CTNNA3: variants seen among roughly 807,000 people sequenced by gnomAD.
The protein encoded by CTNNA3 is catenin alpha-3.
A neutral mutation model predicts 95.7 loss-of-function variants in CTNNA3; 76 were observed. That is an observed-to-expected ratio of 0.79 (90% CI 0.66 to 0.96). CTNNA3 has a LOEUF of 0.96. CTNNA3 is among the 40% of genes least tolerant of loss of function. The probability of loss-of-function intolerance (pLI) is 0.00; values close to 1 mark genes in which losing one functional copy is unlikely to be tolerated. For synonymous variants in CTNNA3, 431 were observed against 374.4 expected, an observed-to-expected ratio of 1.15 and a Z score of -1.74; for missense variants, 1,191 against 1,089.8, an observed-to-expected ratio of 1.09 and a Z score of -1.31.
chr10:67,268,206 T>G (rs1207808813), intron 5 of CTNNA3, among the ~76,000 whole-genome samples: 2 of 151,856 alleles, frequency 1.3e-5, no homozygotes, highest in Admixed American at 6.6e-5. Flanking sequence ...TGGCTCATGC[T>G]TGTAAAGTCA....
chr10:67,021,266 T>C (rs555618216), intron 7 of CTNNA3, among the ~76,000 whole-genome samples: 156 of 152,230 alleles, frequency 1.0e-3, no homozygotes, highest in African/African-American at 3.6e-3. Flanking sequence ...ATATACAGAA[T>C]ATAGTACCAT....
chr10:66,910,410 C>T (rs1846172099), intron 7 of CTNNA3, among the ~76,000 whole-genome samples: 1 of 152,220 alleles, frequency 6.6e-6, no homozygotes, highest in Non-Finnish European at 1.5e-5. Flanking sequence ...CCAACTTTAT[C>T]ACTACCCTTA....
intron 4 of CTNNA3, among the ~76,000 whole-genome samples, chr10:67,535,556 T>C (rs1218194737): frequency 6.6e-6 from 1 of 152,084 alleles, no homozygotes; most frequent in Non-Finnish European, 1.5e-5. Flanking sequence ...TCAAAATCAA[T>C]ATGAACCAAC....
chr10:67,713,009 G>A (rs1257814186), intron 1 of CTNNA3, among the ~76,000 whole-genome samples: 1 of 152,116 alleles, frequency 6.6e-6, no homozygotes, highest in Non-Finnish European at 1.5e-5. Context: ...CTACAGAATA[G>A]GAGAACATTT....
chr10:66,678,234 C>A (rs1391192957), intron 9 of CTNNA3, among the ~76,000 whole-genome samples: 1 of 152,160 alleles, frequency 6.6e-6, no homozygotes, highest in Non-Finnish European at 1.5e-5. Flanking sequence ...AGGCCATCTG[C>A]TCCCTGACCT....
At chr10:66,486,492 A>G (rs1375447096) in intron 11 of CTNNA3, among the ~76,000 whole-genome samples, 4 of 152,154 alleles carry the variant, frequency 2.6e-5, no homozygotes, top group Non-Finnish European at 5.9e-5. Context: ...CCACGATAAG[A>G]TATTACCTTA....
At chr10:67,413,067 A>G (rs1845423004) in intron 5 of CTNNA3, among the ~76,000 whole-genome samples, 1 of 152,146 alleles carries the variant, frequency 6.6e-6, no homozygotes, top group African/African-American at 2.4e-5. Context: ...ATAAAAAGAC[A>G]AGACCCAACC....
At chr10:65,946,633 T>G (rs2077520827) in intron 17 of CTNNA3, among the ~76,000 whole-genome samples, 2 of 152,178 alleles carry the variant, frequency 1.3e-5, no homozygotes, top group Non-Finnish European at 2.9e-5. Context: ...AACCAAATTC[T>G]AATTCTTTAT....
intron 13 of CTNNA3, among the ~76,000 whole-genome samples, chr10:66,200,622 G>C (rs368052005): frequency 6.6e-6 from 1 of 152,146 alleles, no homozygotes; most frequent in Non-Finnish European, 1.5e-5. Flanking sequence ...GAATGTATCC[G>C]ATAAAATTTC....
chr10:66,239,480 T>C (rs1015033873), intron 13 of CTNNA3, among the ~76,000 whole-genome samples: 3 of 151,964 alleles, frequency 2.0e-5, no homozygotes, highest in African/African-American at 7.2e-5. Context: ...ATAGCCTCTT[T>C]CAGAAACTGT....
intron 7 of CTNNA3, among the ~76,000 whole-genome samples, chr10:67,155,948 G>T (rs1035198347): frequency 2.6e-5 from 4 of 151,990 alleles, no homozygotes; most frequent in Admixed American, 2.0e-4. Flanking sequence ...GGAAGTTTTT[G>T]ATTACTGATT....
chr10:67,632,591 A>AC (rs1305033112), intron 2 of CTNNA3, among the ~76,000 whole-genome samples: 4 of 151,654 alleles, frequency 2.6e-5, no homozygotes, highest in African/African-American at 7.3e-5. Flanking sequence ...AGCCAAATGA[A>AC]CCCCCACCCT....
intron 11 of CTNNA3, among the ~76,000 whole-genome samples, chr10:66,391,073 T>C (rs895684514): frequency 2.0e-5 from 3 of 152,138 alleles, no homozygotes; most frequent in Admixed American, 6.5e-5. Flanking sequence ...GTCAAAATTG[T>C]AGTCACTTGG....
At chr10:67,062,868 T>G (rs1417991807) in intron 7 of CTNNA3, among the ~76,000 whole-genome samples, 1 of 152,190 alleles carries the variant, frequency 6.6e-6, no homozygotes, top group Admixed American at 6.5e-5. Context: ...CTGAAGTTTG[T>G]GTGGGCTTCT....
chr10:67,473,720 TAA>T (rs538747838), intron 5 of CTNNA3, among the ~76,000 whole-genome samples: 13 of 152,080 alleles, frequency 8.5e-5, no homozygotes, highest in Non-Finnish European at 1.3e-4. Flanking sequence ...ATACAACAAT[TAA>T]AAATAATGCA....
At chr10:65,989,863 C>T (rs904459933) in intron 15 of CTNNA3, among the ~76,000 whole-genome samples, 5 of 152,030 alleles carry the variant, frequency 3.3e-5, no homozygotes, top group African/African-American at 9.7e-5. Flanking sequence ...CTTATCCCCC[C>T]AATCCCCAAC....
intron 11 of CTNNA3, among the ~76,000 whole-genome samples, chr10:66,387,606 A>G (rs969723841): frequency 1.3e-5 from 2 of 152,174 alleles, no homozygotes; most frequent in African/African-American, 2.4e-5. Flanking sequence ...TATATATACA[A>G]AGGATTATAA....
chr10:65,955,298 G>A (rs1305371778), intron 17 of CTNNA3, among the ~76,000 whole-genome samples: 1 of 152,148 alleles, frequency 6.6e-6, no homozygotes, highest in Non-Finnish European at 1.5e-5. Flanking sequence ...TTGAGACGAT[G>A]GGGTTTTCTA....
chr10:66,154,736 A>ATATATATATATATATATATATATATATG (rs2084396848), intron 13 of CTNNA3, among the ~76,000 whole-genome samples: 1 of 142,244 alleles, frequency 7.0e-6, no homozygotes, highest in Non-Finnish European at 1.5e-5. Context: ...ATATATATAT[A>ATATATATATATATATATATATATATATG]TATATTTCCC....
Sources: allele counts gnomAD v4.1 joint callset (sites outside exome capture counted in the v4.1 genomes callset), GRCh38; gene constraint gnomAD v4.1.1; transcripts MANE v1.5; gene names NCBI Gene and HGNC (gene_info 2026-07-23, HGNC 2026-07-21).